The following KCNIP4 variants were observed in gnomAD, a reference collection of about 807,000 sequenced individuals.
KCNIP4 encodes the protein potassium voltage-gated channel interacting protein 4, also known as Kv channel-interacting protein 4.
In KCNIP4, 12 loss-of-function variants were observed where a neutral mutation model predicts 34.0. The ratio of observed to expected loss-of-function variants is 0.35; its 90% CI spans 0.23 to 0.57. The LOEUF is 0.57. Ranked by LOEUF, KCNIP4 falls within the 20% of genes least tolerant of loss-of-function variation. KCNIP4 has a pLI of 0.83. For missense variants in KCNIP4, 238 were observed against 311.7 expected (o/e 0.76, Z 1.78); for synonymous variants, 124 against 102.2 (o/e 1.21, Z -1.29).
At chr4:21,252,283 A>C (rs1204925753) in intron 1 of KCNIP4, among the ~76,000 whole-genome samples, 1 of 151,736 alleles carries the variant, frequency 6.6e-6, no homozygotes, top group African/African-American at 2.4e-5. Context: ...GGGCACCTCC[A>C]CACCCTGCTA....
chr4:20,814,848 G>GA (rs1160931916), intron 3 of KCNIP4, among the ~76,000 whole-genome samples: 3 of 152,104 alleles, frequency 2.0e-5, no homozygotes, highest in Admixed American at 1.3e-4. Flanking sequence ...CAGAGATACA[G>GA]AAAAAAACAA....
chr4:21,717,751 G>A (rs1262164292), intron 1 of KCNIP4, among the ~76,000 whole-genome samples: 1 of 152,052 alleles, frequency 6.6e-6, no homozygotes, highest in African/African-American at 2.4e-5. Flanking sequence ...CTGTTTCAAG[G>A]CTCTTGATCA....
intron 1 of KCNIP4, among the ~76,000 whole-genome samples, chr4:21,152,704 TG>T (rs35123415): frequency 0.26 from 40,271 of 152,028 alleles, 5,458 homozygotes; most frequent in Non-Finnish European, 0.3. Flanking sequence ...TGTTAGGAAC[TG>T]GGCTGCACAG....
chr4:20,922,871 GTTC>G (rs1418174583), intron 1 of KCNIP4, among the ~76,000 whole-genome samples: 1 of 152,014 alleles, frequency 6.6e-6, no homozygotes, highest in Non-Finnish European at 1.5e-5. Context: ...TTCAAGTTAT[GTTC>G]TTCTGGTGTA....
intron 1 of KCNIP4, among the ~76,000 whole-genome samples, chr4:20,897,429 C>T (rs1389185447): frequency 6.6e-6 from 1 of 152,118 alleles, no homozygotes; most frequent in Non-Finnish European, 1.5e-5. Flanking sequence ...AAACTGTGTC[C>T]TCACGAAACT....
At chr4:21,055,195 T>TAATTACAC (rs1476521016) in intron 1 of KCNIP4, among the ~76,000 whole-genome samples, 1 of 151,756 alleles carries the variant, frequency 6.6e-6, no homozygotes, top group East Asian at 1.9e-4. Flanking sequence ...ATTACAGGAG[T>TAATTACAC]ATAAATTAAA....
chr4:21,545,033 A>C (rs1738019937), intron 1 of KCNIP4, among the ~76,000 whole-genome samples: 1 of 152,130 alleles, frequency 6.6e-6, no homozygotes, highest in Admixed American at 6.6e-5. Context: ...TCACAGGATG[A>C]AATAGGAGGT....
At chr4:20,906,091 T>C (rs1727734237) in intron 1 of KCNIP4, among the ~76,000 whole-genome samples, 3 of 149,038 alleles carry the variant, frequency 2.0e-5, no homozygotes, top group African/African-American at 7.4e-5. Context: ...CTTCCTTTCT[T>C]TTCTTTCTCT....
At chr4:20,907,224 G>T (rs890326708) in intron 1 of KCNIP4, among the ~76,000 whole-genome samples, 7 of 152,156 alleles carry the variant, frequency 4.6e-5, no homozygotes, top group Admixed American at 4.6e-4. Flanking sequence ...TGTTAACACA[G>T]GTTAGAACTG....
At chr4:21,543,877 G>T (rs1276285286) in intron 1 of KCNIP4, among the ~76,000 whole-genome samples, 1 of 151,964 alleles carries the variant, frequency 6.6e-6, no homozygotes, top group Non-Finnish European at 1.5e-5. Context: ...CTACCGCATT[G>T]TCTACGATGG....
Position 21,870,431 on chromosome 4 carries a change from G to A in KCNIP4, c.61+78140C>T, listed in dbSNP as rs576059645. On this transcript the variant is annotated intron_variant, in intron 1 of 8. Coordinates refer to ENST00000382152, the MANE Select transcript of KCNIP4 (RefSeq NM_025221.6). Reference sequence around the variant, plus strand: ...GGGTCTAGCTTATAGTAACCTTTATGTCATAACAGTAAAAAACACACCCCT... The same window carrying A: ...GGGTCTAGCTTATAGTAACCTTTATATCATAACAGTAAAAAACACACCCCT... 1.6e-3 allele frequency among the ~76,000 whole-genome samples: 244 copies of A among 152,200 alleles called. 1 individual carries two copies. The highest frequency in any genetic ancestry group is 5.7e-3 in the African/African-American group (236 of 41,538).
intron 3 of KCNIP4, among the ~76,000 whole-genome samples, chr4:20,842,742 A>G (rs1719905840): frequency 6.6e-6 from 1 of 152,120 alleles, no homozygotes; most frequent in South Asian, 2.1e-4. Flanking sequence ...CATTGCAGAC[A>G]TGCAGATGAG....
intron 1 of KCNIP4, among the ~76,000 whole-genome samples, chr4:21,674,663 T>C (rs1298488588): frequency 6.6e-6 from 1 of 152,130 alleles, no homozygotes; most frequent in African/African-American, 2.4e-5. Context: ...CTTGTTCCCT[T>C]GTTCTTATTT....
chr4:21,859,452 CA>C (rs11362552), intron 1 of KCNIP4, among the ~76,000 whole-genome samples: 72,836 of 146,798 alleles, frequency 0.5, 18,459 homozygotes, highest in East Asian at 0.65. Context: ...ACTAAAAATA[CA>C]AAAAAAAAAA....
At chr4:21,517,662 CCTTA>C (rs1251725840) in intron 1 of KCNIP4, among the ~76,000 whole-genome samples, 1 of 152,042 alleles carries the variant, frequency 6.6e-6, no homozygotes, top group Non-Finnish European at 1.5e-5. Context: ...TAAGATTATG[CCTTA>C]CTTATTTCTG....
chr4:21,406,239 G>C (rs909437982), intron 1 of KCNIP4, among the ~76,000 whole-genome samples: 10 of 152,202 alleles, frequency 6.6e-5, no homozygotes, highest in African/African-American at 2.4e-4. Flanking sequence ...GCTGAGGAAA[G>C]GGAAACTTAC....
chr4:20,744,239 C>T (rs1751887328), intron 5 of KCNIP4, among the ~76,000 whole-genome samples: 1 of 152,186 alleles, frequency 6.6e-6, no homozygotes. Flanking sequence ...TACCATTTGA[C>T]CCAGCAATCC....
chr4:21,752,356 CAT>C (rs1349795329), intron 1 of KCNIP4, among the ~76,000 whole-genome samples: 2 of 152,086 alleles, frequency 1.3e-5, no homozygotes, highest in Non-Finnish European at 2.9e-5. Flanking sequence ...TACCTTCTCA[CAT>C]GTCAGTAGGA....
At chr4:21,274,863 A>G (rs995978932) in intron 1 of KCNIP4, among the ~76,000 whole-genome samples, 2 of 147,144 alleles carry the variant, frequency 1.4e-5, no homozygotes, top group South Asian at 4.5e-4. Flanking sequence ...CAAACTCACT[A>G]TGAAGATTGT....
Sources: allele counts gnomAD v4.1 joint callset (sites outside exome capture counted in the v4.1 genomes callset), GRCh38; gene constraint gnomAD v4.1.1; transcripts MANE v1.5; gene names NCBI Gene and HGNC (gene_info 2026-07-23, HGNC 2026-07-21).